The following SLC6A5 variants were observed in gnomAD, a reference collection of about 807,000 sequenced individuals.
SLC6A5 encodes solute carrier family 6 member 5.
A neutral mutation model predicts 90.5 loss-of-function variants in SLC6A5; 58 were observed. The ratio of observed to expected loss-of-function variants is 0.64; its 90% CI spans 0.52 to 0.80. SLC6A5 has a LOEUF of 0.80. SLC6A5 is among the 30% of genes least tolerant of loss of function. The pLI is 0.00. For synonymous variants in SLC6A5, 427 were observed against 401.4 expected, an observed-to-expected ratio of 1.06 and a Z score of -0.76; for missense variants, 1,015 against 1,017.6, an observed-to-expected ratio of 1.00 and a Z score of 0.03.
intron 5 of SLC6A5, among the ~76,000 whole-genome samples, chr11:20,610,809 A>T (rs1852679613): frequency 2.0e-5 from 3 of 152,184 alleles, no homozygotes; most frequent in Admixed American, 2.0e-4. Flanking sequence ...CAACGTTCAG[A>T]GACGTTTTTA....
At chr11:20,652,539 C>CGG in intron 15 of SLC6A5, 83 bp downstream of exon 15, 2 of 1,339,148 alleles carry the variant, frequency 1.5e-6, no homozygotes, top group African/African-American at 2.9e-5. Context: ...ACAAAAGATT[C>CGG]GGTAAACTTA....
At chr11:20,606,888 TG>T in intron 3 of SLC6A5, 118 bp from the exon 4 acceptor site, 1 of 1,252,236 alleles carries the variant, frequency 8.0e-7, no homozygotes, top group East Asian at 2.4e-5. Flanking sequence ...TCTTCAGGAA[TG>T]GAGCTAAATT....
intron 7 of SLC6A5, among the ~76,000 whole-genome samples, chr11:20,618,122 A>C (rs1288040408): frequency 7.1e-4 from 1 of 1,404 alleles, no homozygotes; most frequent in African/African-American, 8.5e-4. Flanking sequence ...CTCTCAAGGG[A>C]TGGTGGGGGG....
intron 1 of SLC6A5, 75 bp downstream of exon 1, chr11:20,599,750 T>C (rs1219958508): frequency 6.3e-7 from 1 of 1,577,288 alleles, no homozygotes; most frequent in Non-Finnish European, 8.7e-7. Context: ...TTTTGGCTAT[T>C]TCTTTTGGAG....
intron 2 of SLC6A5, among the ~76,000 whole-genome samples, chr11:20,602,122 C>G (rs571771966): frequency 5.3e-5 from 8 of 152,290 alleles, no homozygotes; most frequent in African/African-American, 1.7e-4. Flanking sequence ...AGTTTTGTAG[C>G]CTTTACACTG....
intron 10 of SLC6A5, 94 bp downstream of exon 10, chr11:20,630,909 G>A: frequency 6.9e-7 from 1 of 1,446,364 alleles, no homozygotes; most frequent in Non-Finnish European, 9.6e-7. Context: ...CTGGCCTTCT[G>A]GAACAGGATA....
intron 15 of SLC6A5, among the ~76,000 whole-genome samples, chr11:20,652,670 T>C (rs1853565230): frequency 6.6e-6 from 1 of 152,210 alleles, no homozygotes; most frequent in Non-Finnish European, 1.5e-5. Context: ...AGAACTGTTA[T>C]TATGCTGGTC....
chr11:20,604,211 G>A lies in SLC6A5; in HGVS notation c.541-75G>A, dbSNP rs530649884. The A allele has an allele frequency of 1.5e-4, 224 of 1,500,336 alleles. 2 individuals are homozygous for A. In the South Asian group the frequency reaches 2.4e-3, roughly 16 times the overall value. The allele number at this position is 1,500,336 out of a possible 1,614,324, so 92.9% of individuals were successfully genotyped here. ...CTGCTTGCTGGGAAGGACCCCTAGC[G>A]GGGGGGAGGGTGGAAGGGGCCTGCT... On this transcript the variant is annotated intron_variant, in intron 2 of 15. Coordinates refer to ENST00000525748, the MANE Select transcript of SLC6A5 (RefSeq NM_004211.5).
chr11:20,619,025 CAAT>C (rs1303459922), intron 7 of SLC6A5, among the ~76,000 whole-genome samples: 1 of 151,590 alleles, frequency 6.6e-6, no homozygotes, highest in Non-Finnish European at 1.5e-5. Flanking sequence ...TGATCACATG[CAAT>C]AATATTTAAT....
chr11:20,655,255 A>T lies in SLC6A5; in HGVS notation c.*387A>T. On this transcript the variant is annotated 3_prime_UTR_variant, in exon 16 of 16. Coordinates refer to ENST00000525748, the MANE Select transcript of SLC6A5 (RefSeq NM_004211.5). ...GCATGTATAGAGTGGCCGAATTACA[A>T]GACTTTATTTGGACTTGAACAGAAC... 3.1e-6 allele frequency: 1 copy of T among 325,918 alleles called. No homozygotes were observed. The highest frequency in any genetic ancestry group is 6.0e-6 in the Non-Finnish European group (1 of 165,442). 20.2% of individuals were successfully genotyped at this position (325,918 alleles called of 1,614,324 possible). A position where few individuals can be genotyped will look rare whatever the true frequency, so the allele number is the denominator to read the frequency against.
Position 20,652,272 on chromosome 11 carries a change from C to A in SLC6A5, c.2071-17C>A. On this transcript the variant is annotated splice_polypyrimidine_tract_variant and intron_variant, in intron 14 of 15. Transcript: ENST00000525748. ...CACGCCACCACCCTAACACGTGTGT[C>A]ACTTTTCTCTTTCCAGTTTATCCTT... is the stretch of plus-strand genomic sequence containing the variant. 3 of 1,613,748 alleles carry A rather than the reference C, an allele frequency of 1.9e-6. No homozygotes were observed. The highest frequency in any genetic ancestry group is 2.5e-6 in the Non-Finnish European group (3 of 1,179,630).
chr11:20,632,202 A>T (rs1163434791), intron 10 of SLC6A5, among the ~76,000 whole-genome samples: 1 of 152,032 alleles, frequency 6.6e-6, no homozygotes, highest in African/African-American at 2.4e-5. Flanking sequence ...CTCCTAGCAG[A>T]GTGGTTGGAG....
chr11:20,604,482 G>A (rs1852540121), intron 3 of SLC6A5, 58 bp downstream of exon 3: 2 of 1,596,722 alleles, frequency 1.3e-6, no homozygotes, highest in African/African-American at 1.3e-5. Flanking sequence ...CTGAGGGTTG[G>A]GTGGGACAGG....
At chr11:20,605,288 G>A (rs1455528674) in intron 3 of SLC6A5, among the ~76,000 whole-genome samples, 2 of 152,196 alleles carry the variant, frequency 1.3e-5, no homozygotes, top group Non-Finnish European at 2.9e-5. Context: ...AGGTCAGGCA[G>A]TTTAAGGGTT....
intron 5 of SLC6A5, among the ~76,000 whole-genome samples, chr11:20,609,444 G>A (rs1852653990): frequency 6.6e-6 from 1 of 152,074 alleles, no homozygotes; most frequent in Non-Finnish European, 1.5e-5. Flanking sequence ...GGAATTCTGG[G>A]GTGACTTAGA....
chr11:20,626,677 C>A (rs200551839), intron 7 of SLC6A5, 31 bp from the exon 8 acceptor site: 2 of 1,613,106 alleles, frequency 1.2e-6, no homozygotes, highest in South Asian at 2.2e-5. Context: ...AGGGCTGCTT[C>A]TTCCAGCCCC....
Position 20,626,802 on chromosome 11 carries a change from A to G in SLC6A5, c.1355A>G (p.Tyr452Cys). The G allele has an allele frequency of 1.2e-6, 2 of 1,613,926 alleles. No homozygotes were observed. Among genetic ancestry groups the G allele is most frequent in the Non-Finnish European group, 1.7e-6 (2 of 1,179,850 alleles). The change falls in exon 8 of 16, where the codon TAC becomes TGC. Residue 452 changes from tyrosine to cysteine, a missense_variant. By Grantham distance (194) the Tyr-to-Cys change is radical (BLOSUM62 -2). Around this residue, in one of 3 missense-constraint regions of SLC6A5, gnomAD observed 442 missense variants for 494.3 expected, o/e 0.89. Transcript: ENST00000525748. ...CCTGGAGCTGGAGCTGGGATCTGGTACTTCATCACACCCAAGTGGGAGAAA... is the reference window on the plus strand; with the variant it reads ...CCTGGAGCTGGAGCTGGGATCTGGTGCTTCATCACACCCAAGTGGGAGAAA... ...TLPGAGAGIWYFITPKWEKLT... is the reference protein window; with the variant it reads ...TLPGAGAGIWCFITPKWEKLT...
chr11:20,626,772 C>A lies in SLC6A5; in HGVS notation c.1325C>A (p.Thr442Asn), dbSNP rs1362801777. 22 of 1,613,928 alleles carry A rather than the reference C, an allele frequency of 1.4e-5. No homozygotes were observed. Among genetic ancestry groups the A allele is most frequent in the Non-Finnish European group, 1.8e-5 (21 of 1,179,914 alleles). Reference sequence around the variant, plus strand: ...GTGATCCTCCTCATCCGAGGAGTCACCCTGCCTGGAGCTGGAGCTGGGATC... The same window carrying A: ...GTGATCCTCCTCATCCGAGGAGTCAACCTGCCTGGAGCTGGAGCTGGGATC... ...VLVILLIRGV[T>N]LPGAGAGIWY... The change falls in exon 8 of 16, where the codon ACC becomes AAC. Residue 442 changes from threonine (T) to asparagine (N), a missense_variant. This residue lies in a region of SLC6A5 where 442 missense variants were observed against 494.3 expected (regional missense o/e 0.89). Transcript: ENST00000525748.
chr11:20,626,642 C>T, intron 7 of SLC6A5, 66 bp from the exon 8 acceptor site: 2 of 1,570,758 alleles, frequency 1.3e-6, no homozygotes, highest in Non-Finnish European at 8.8e-7. Context: ...CCGAGCAATG[C>T]TCCTTCTGCA....
Sources: gnomAD v4.1 joint callset for allele counts (sites outside exome capture counted in the v4.1 genomes callset) on GRCh38, gnomAD v4.1.1 for gene constraint, gnomAD v4.1.1 regional missense constraint, MANE v1.5 for transcripts, NCBI Gene and HGNC (gene_info 2026-07-23, HGNC 2026-07-21) for gene names.